The following ADAMTSL3 variants were observed in gnomAD, a reference collection of about 807,000 sequenced individuals.
The protein encoded by ADAMTSL3 is ADAMTS-like protein 3.
ADAMTSL3 carries 128 observed loss-of-function variants against 201.7 expected under a neutral mutation model. The ratio of observed to expected loss-of-function variants is 0.63; its 90% CI spans 0.55 to 0.73. The LOEUF (loss-of-function observed/expected upper bound fraction) is 0.73, where lower values mean the gene tolerates loss of function less well. Among genes scored for constraint, ADAMTSL3 ranks in the 30% least tolerant of loss-of-function variants. ADAMTSL3 has a pLI of 0.00. For synonymous variants in ADAMTSL3, 738 were observed against 748.4 expected (o/e 0.99, Z 0.23); for missense variants, 1,990 against 2,119.6 (o/e 0.94, Z 1.20).
intron 2 of ADAMTSL3, among the ~76,000 whole-genome samples, chr15:83,692,912 G>C (rs1046341552): frequency 4.6e-5 from 7 of 152,120 alleles, no homozygotes; most frequent in African/African-American, 1.7e-4. Flanking sequence ...CATGATTTCA[G>C]CCACACAGAC....
chr15:83,814,665 A>G (rs1195521330), intron 5 of ADAMTSL3, among the ~76,000 whole-genome samples: 1 of 152,240 alleles, frequency 6.6e-6, no homozygotes, highest in Non-Finnish European at 1.5e-5. Flanking sequence ...GTTATATGAA[A>G]GAATCACAAA....
chr15:83,992,944 G>A (rs943489657), intron 23 of ADAMTSL3, among the ~76,000 whole-genome samples: 3 of 152,120 alleles, frequency 2.0e-5, no homozygotes, highest in African/African-American at 7.2e-5. Flanking sequence ...TCACCTTTCA[G>A]CTCTTACTAG....
intron 6 of ADAMTSL3, among the ~76,000 whole-genome samples, chr15:83,827,476 A>G (rs1041407945): frequency 3.9e-5 from 6 of 152,036 alleles, no homozygotes; most frequent in Non-Finnish European, 8.8e-5. Context: ...GTTCACTCTG[A>G]TGGTAGTTTC....
chr15:83,961,279 A>C (rs773290506), intron 19 of ADAMTSL3, among the ~76,000 whole-genome samples: 1 of 152,210 alleles, frequency 6.6e-6, no homozygotes, highest in Non-Finnish European at 1.5e-5. Context: ...ATGGAAAAGA[A>C]CAAAGATGTA....
chr15:83,985,840 G>C (rs1410151141), intron 21 of ADAMTSL3, among the ~76,000 whole-genome samples: 1 of 152,124 alleles, frequency 6.6e-6, no homozygotes, highest in Non-Finnish European at 1.5e-5. Context: ...ATGTTGGCCA[G>C]GTTGGTCTTG....
At chr15:83,855,401 C>A (rs2064710557) in intron 7 of ADAMTSL3, among the ~76,000 whole-genome samples, 1 of 152,266 alleles carries the variant, frequency 6.6e-6, no homozygotes, top group Non-Finnish European at 1.5e-5. Flanking sequence ...TGGACAAATG[C>A]CTCCTGGGGA....
chr15:83,659,408 G>T (rs531437434), intron 2 of ADAMTSL3, among the ~76,000 whole-genome samples: 1 of 152,314 alleles, frequency 6.6e-6, no homozygotes, highest in African/African-American at 2.4e-5. Context: ...GTATAGGACA[G>T]AATTATTTAA....
chr15:83,826,516 T>C (rs2064025591), intron 6 of ADAMTSL3, among the ~76,000 whole-genome samples: 1 of 151,954 alleles, frequency 6.6e-6, no homozygotes, highest in South Asian at 2.1e-4. Context: ...TATAGGACTT[T>C]TAAAAAAATT....
intron 17 of ADAMTSL3, among the ~76,000 whole-genome samples, chr15:83,927,467 A>G (rs545288840): frequency 1.4e-4 from 22 of 152,206 alleles, no homozygotes; most frequent in Non-Finnish European, 2.8e-4. Flanking sequence ...GAACCTGTTC[A>G]CAACTTACAC....
intron 2 of ADAMTSL3, among the ~76,000 whole-genome samples, chr15:83,670,427 G>A (rs749527645): frequency 1.6e-4 from 24 of 152,076 alleles, no homozygotes; most frequent in South Asian, 2.1e-4. Flanking sequence ...AATCCCCTAA[G>A]TCAGTGGTGT....
intron 23 of ADAMTSL3, among the ~76,000 whole-genome samples, chr15:84,012,772 C>G (rs1328907245): frequency 6.6e-6 from 1 of 152,170 alleles, no homozygotes; most frequent in African/African-American, 2.4e-5. Flanking sequence ...TTGGATCATA[C>G]AAAGCCACAG....
At chr15:83,836,729 G>T (rs991793940) in intron 6 of ADAMTSL3, among the ~76,000 whole-genome samples, 2 of 152,052 alleles carry the variant, frequency 1.3e-5, no homozygotes, top group Non-Finnish European at 2.9e-5. Flanking sequence ...TCATCACTAG[G>T]CCCTATGTGA....
chr15:83,918,901 G>A (rs982961991), intron 16 of ADAMTSL3, among the ~76,000 whole-genome samples: 1 of 152,144 alleles, frequency 6.6e-6, no homozygotes, highest in Non-Finnish European at 1.5e-5. Flanking sequence ...AGCTTAGACC[G>A]GAATGGTGAC....
chr15:83,928,044 C>T (rs1359820567), intron 17 of ADAMTSL3, among the ~76,000 whole-genome samples: 1 of 151,826 alleles, frequency 6.6e-6, no homozygotes, highest in African/African-American at 2.4e-5. Flanking sequence ...GGTATGATCA[C>T]AGTTCACTGC....
At chr15:83,936,092 A>T (rs917846691) in intron 17 of ADAMTSL3, among the ~76,000 whole-genome samples, 5 of 152,216 alleles carry the variant, frequency 3.3e-5, no homozygotes, top group Admixed American at 2.0e-4. Context: ...TTGTAAAGAT[A>T]TTTAATCTAA....
intron 2 of ADAMTSL3, among the ~76,000 whole-genome samples, chr15:83,691,851 T>G (rs1264393789): frequency 6.6e-6 from 1 of 152,186 alleles, no homozygotes; most frequent in East Asian, 1.9e-4. Flanking sequence ...TGACCTCAAG[T>G]GATCTGCCCG....
chr15:83,973,446 G>A (rs6603011), intron 20 of ADAMTSL3, among the ~76,000 whole-genome samples: 2,496 of 152,120 alleles, frequency 0.016, 75 homozygotes, highest in African/African-American at 0.057. Context: ...TTCAACCCTG[G>A]TATTACCTTT....
At chr15:83,909,752 T>G (rs1596391015) in intron 15 of ADAMTSL3, among the ~76,000 whole-genome samples, 1 of 152,158 alleles carries the variant, frequency 6.6e-6, no homozygotes, top group Non-Finnish European at 1.5e-5. Context: ...GTAGCTGGGA[T>G]TACAGGCATG....
intron 13 of ADAMTSL3, 58 bp downstream of exon 13, chr15:83,892,946 T>C: frequency 1.3e-6 from 2 of 1,513,452 alleles, no homozygotes; most frequent in Non-Finnish European, 1.8e-6. Context: ...GGATATTTTC[T>C]ATATGCCCAC....
Sources: allele counts gnomAD v4.1 joint callset (sites outside exome capture counted in the v4.1 genomes callset), GRCh38; gene constraint gnomAD v4.1.1; transcripts MANE v1.5; gene names NCBI Gene and HGNC (gene_info 2026-07-23, HGNC 2026-07-21).